The following MLLT3 variants were observed in gnomAD, a reference collection of about 807,000 sequenced individuals.
MLLT3 encodes MLLT3 super elongation complex subunit.
In MLLT3, 4 loss-of-function variants were observed where a neutral mutation model predicts 53.2. That is an observed-to-expected ratio of 0.08 (90% CI 0.04 to 0.17). MLLT3 has a LOEUF of 0.17. Ranked by LOEUF, MLLT3 falls within the 10% of genes least tolerant of loss-of-function variation. MLLT3 has a pLI of 1.00. For synonymous variants in MLLT3, 283 were observed against 230.6 expected (o/e 1.23, Z -2.06); for missense variants, 569 against 684.0 (o/e 0.83, Z 1.87).
At chr9:20,600,751 C>T (rs746030588) in intron 2 of MLLT3, among the ~76,000 whole-genome samples, 30 of 152,280 alleles carry the variant, frequency 2.0e-4, no homozygotes, top group Non-Finnish European at 4.0e-4. Flanking sequence ...CACCCATTTC[C>T]ACTTCTTTTA....
intron 5 of MLLT3, chr9:20,380,403 C>T (rs1821878474): frequency 6.6e-6 from 1 of 151,870 alleles, no homozygotes. Flanking sequence ...CTGAATTGAT[C>T]CTCAGAAACT....
chr9:20,563,832 G>T (rs1819281447), intron 2 of MLLT3, among the ~76,000 whole-genome samples: 1 of 152,150 alleles, frequency 6.6e-6, no homozygotes, highest in Admixed American at 6.6e-5. Flanking sequence ...AAAGTGAGTT[G>T]CAGGAATGAC....
chr9:20,492,555 T>C (rs1365994302), intron 2 of MLLT3, among the ~76,000 whole-genome samples: 1 of 151,922 alleles, frequency 6.6e-6, no homozygotes, highest in African/African-American at 2.4e-5. Context: ...ACTTCATTAC[T>C]TCCCACACAC....
intron 2 of MLLT3, among the ~76,000 whole-genome samples, chr9:20,492,250 G>T (rs922126222): frequency 3.3e-5 from 5 of 151,802 alleles, no homozygotes; most frequent in African/African-American, 1.2e-4. Flanking sequence ...TTTTTTCAAA[G>T]GCTGATAGCA....
At position 20,457,783 on chromosome 9, in the gene MLLT3, G is replaced by A. The variant is rs367633019; in HGVS notation, c.194-997C>T. Among the ~76,000 whole-genome samples the A allele has an allele frequency of 1.1e-4, 16 of 152,308 alleles. 1 individual carries two copies. Among genetic ancestry groups the A allele is most frequent in the South Asian group, 8.3e-4 (4 of 4,822 alleles). ...CAAGACTATTAGGCAAGCTCTTGGG[G>A]AATGAGAGACCCTAAGAAGCCAAAC... On this transcript the variant is annotated intron_variant, in intron 2 of 10. Transcript: ENST00000380338.
intron 2 of MLLT3, among the ~76,000 whole-genome samples, chr9:20,469,079 C>A (rs903120742): frequency 6.6e-6 from 1 of 152,018 alleles, no homozygotes; most frequent in Non-Finnish European, 1.5e-5. Context: ...ATATTGCCCC[C>A]GTGCAATAAA....
chr9:20,611,194 C>A (rs1820693952), intron 2 of MLLT3, among the ~76,000 whole-genome samples: 1 of 151,916 alleles, frequency 6.6e-6, no homozygotes, highest in South Asian at 2.1e-4. Flanking sequence ...TGAATAGATA[C>A]CTGGAATAAT....
At chr9:20,410,675 C>G (rs1822706226) in intron 5 of MLLT3, 1 of 152,058 alleles carries the variant, frequency 6.6e-6, no homozygotes. Flanking sequence ...AAAATCCTAC[C>G]AAAAAGGACC....
At position 20,413,691 on chromosome 9, in the gene MLLT3, AAAGG is replaced by A. The variant is rs765750434; in HGVS notation, c.1125+26_1125+29del. ...CCAAAATAAAATCTGAAAATAAGGG[AAAGG>A]AAGAAAGCCAGTAAGAACTACTCAC... On this transcript the variant is annotated intron_variant, in intron 5 of 10. Transcript: ENST00000380338. 7 of 1,509,454 alleles carry A rather than the reference AAAGG, an allele frequency of 4.6e-6. No homozygotes were observed. The South Asian group carries it at 9.4e-5, about 20-fold the overall frequency. 93.5% of individuals were successfully genotyped at this position (1,509,454 alleles called of 1,614,324 possible).
At chr9:20,406,230 C>A (rs1344251132) in intron 5 of MLLT3, among the ~76,000 whole-genome samples, 2 of 152,088 alleles carry the variant, frequency 1.3e-5, no homozygotes, top group African/African-American at 4.8e-5. Context: ...GGCCATATAG[C>A]GAGACCCTGT....
At chr9:20,417,884 G>GTTTCC (rs1427042582) in intron 4 of MLLT3, among the ~76,000 whole-genome samples, 1 of 152,118 alleles carries the variant, frequency 6.6e-6, no homozygotes, top group African/African-American at 2.4e-5. Flanking sequence ...GTGGCTTTCA[G>GTTTCC]TTTCCATGTT....
Position 20,540,074 on chromosome 9 carries a change from C to T in MLLT3, c.193+80580G>A, listed in dbSNP as rs142800702. ...AAATCTTAAAGCTTCAAAATAATCT[C>T]CACTGACTTCGTGTCTCACATCTAG... is the stretch of plus-strand genomic sequence containing the variant. On this transcript the variant is annotated intron_variant, in intron 2 of 10. Transcript: ENST00000380338. Among the ~76,000 whole-genome samples, 494 of 152,362 alleles carry T rather than the reference C, an allele frequency of 3.2e-3. 1 individual carries two copies. The highest frequency in any genetic ancestry group is 5.4e-3 in the Admixed American group (83 of 15,300).
At chr9:20,519,733 T>C (rs1391561940) in intron 2 of MLLT3, among the ~76,000 whole-genome samples, 1 of 152,216 alleles carries the variant, frequency 6.6e-6, no homozygotes, top group Non-Finnish European at 1.5e-5. Flanking sequence ...AATGAAATGC[T>C]TATACACTGT....
At chr9:20,606,046 T>C (rs1039468204) in intron 2 of MLLT3, among the ~76,000 whole-genome samples, 4 of 152,144 alleles carry the variant, frequency 2.6e-5, no homozygotes, top group Admixed American at 2.6e-4. Flanking sequence ...CCATACTTCT[T>C]CAAATAAAAT....
chr9:20,537,374 AT>A (rs1413298910), intron 2 of MLLT3, among the ~76,000 whole-genome samples: 1 of 152,212 alleles, frequency 6.6e-6, no homozygotes, highest in Non-Finnish European at 1.5e-5. Context: ...AAAATGATGT[AT>A]TCTTTTTGTA....
chr9:20,350,561 C>G (rs999927711), intron 10 of MLLT3, among the ~76,000 whole-genome samples: 3 of 138,534 alleles, frequency 2.2e-5, no homozygotes, highest in Non-Finnish European at 4.4e-5. Flanking sequence ...CGCCACTGCA[C>G]TCCAGCCTGG....
At chr9:20,370,046 G>T (rs547010326) in intron 5 of MLLT3, among the ~76,000 whole-genome samples, 1 of 152,116 alleles carries the variant, frequency 6.6e-6, no homozygotes, top group Non-Finnish European at 1.5e-5. Flanking sequence ...ACTACTTCTT[G>T]CTGATCCTCT....
intron 2 of MLLT3, among the ~76,000 whole-genome samples, chr9:20,569,688 TA>T (rs1242985007): frequency 1.3e-5 from 2 of 152,166 alleles, no homozygotes; most frequent in African/African-American, 2.4e-5. Flanking sequence ...CACCCAGTTC[TA>T]AAGGTTTGGA....
chr9:20,552,244 T>C (rs150936271), intron 2 of MLLT3, among the ~76,000 whole-genome samples: 300 of 152,292 alleles, frequency 2.0e-3, no homozygotes, highest in African/African-American at 6.8e-3. Flanking sequence ...TCTTACACTT[T>C]AGAAATGGAA....
Sources: gnomAD v4.1 joint callset for allele counts (sites outside exome capture counted in the v4.1 genomes callset) on GRCh38, gnomAD v4.1.1 for gene constraint, MANE v1.5 for transcripts, NCBI Gene and HGNC (gene_info 2026-07-23, HGNC 2026-07-21) for gene names.